The following OR52M1 variants were observed in gnomAD, a reference collection of about 807,000 sequenced individuals.
The protein encoded by OR52M1 is olfactory receptor family 52 subfamily M member 1.
A neutral mutation model predicts 1.3 loss-of-function variants in OR52M1; 2 were observed. The ratio of observed to expected loss-of-function variants is 1.59; its 90% CI spans 0.65 to 5.01. OR52M1 has a LOEUF of 5.01. OR52M1 is among the 30% of genes most tolerant of loss of function. The pLI is 0.06. For missense variants in OR52M1, 585 were observed against 403.7 expected (o/e 1.45, Z -3.85); for synonymous variants, 234 against 151.4 (o/e 1.55, Z -4.01).
rs1161229759 is a variant in OR52M1, at chr11:4,545,436, A to T, written c.246A>T (p.Lys82Asn). 1 of 1,614,106 alleles carries T rather than the reference A, an allele frequency of 6.2e-7. No homozygotes were observed. The highest frequency in any genetic ancestry group is 1.3e-5 in the African/African-American group (1 of 75,028). ...TTCTGTCTACTTCCACTATACCCAA[A>T]CTTCTGGGAATCTTCTGGTTCGGTG... ...DLVLSTSTIPKLLGIFWFGAC... is the reference protein window; with the variant it reads ...DLVLSTSTIPNLLGIFWFGAC... The change falls in exon 1 of 1, where the codon AAA becomes AAT. Residue 82 changes from lysine (K) to asparagine (N), a missense_variant. Lys to Asn is a moderately conservative substitution (Grantham distance 94). Coordinates refer to ENST00000360213, the MANE Select transcript of OR52M1 (RefSeq NM_001004137.1).
chr11:4,545,758 T>C lies in OR52M1; in HGVS notation c.568T>C (p.Leu190=). The stretch of plus-strand genomic sequence containing the variant: ...CTGTGAGCACATGGCTGTAGTTGCC[T>C]TGACATGTGGCGACAGCAGGGTCAA... ...SYCEHMAVVA[L]TCGDSRVNNV... is the part of the protein sequence containing the mutation. The change falls in exon 1 of 1, where the codon TTG becomes CTG. Residue 190 remains leucine (L), a synonymous_variant. Transcript: ENST00000360213. 1 of 1,614,134 alleles carries C rather than the reference T, an allele frequency of 6.2e-7. No homozygotes were observed. The highest frequency in any genetic ancestry group is 8.5e-7 in the Non-Finnish European group (1 of 1,179,992).
Position 4,546,018 on chromosome 11 carries a change from C to CA in OR52M1, c.829dup (p.Thr277AsnfsTer41), listed in dbSNP as rs1476048423. 6.2e-7 allele frequency: 1 copy of CA among 1,613,982 alleles called. No homozygotes were observed. The highest frequency in any genetic ancestry group is 8.5e-7 in the Non-Finnish European group (1 of 1,179,982). ...GTCAGTGTGTGCCTCCTCCAGTCCACACTCTGCTGGCCAACTTCTATCTCC... is the reference window on the plus strand; with the variant it reads ...GTCAGTGTGTGCCTCCTCCAGTCCACAACTCTGCTGGCCAACTTCTATCTCC... On this transcript the variant is annotated frameshift_variant, in exon 1 of 1. Transcript: ENST00000360213. LOFTEE classifies it high-confidence loss of function.
Position 4,546,032 on chromosome 11 carries a change from A to G in OR52M1, c.842A>G (p.Asn281Ser), listed in dbSNP as rs781275330. Reference protein sequence around the residue: ...VPPPVHTLLANFYLLIPPILN... With the variant: ...VPPPVHTLLASFYLLIPPILN... ...CCTCCAGTCCACACTCTGCTGGCCA[A>G]CTTCTATCTCCTCATTCCTCCAATC... The change falls in exon 1 of 1, where the codon AAC becomes AGC. Residue 281 changes from asparagine to serine, a missense_variant. Transcript: ENST00000360213. The G allele has an allele frequency of 1.1e-5, 18 of 1,613,794 alleles. No homozygotes were observed. Among genetic ancestry groups the G allele is most frequent in the East Asian group, 2.2e-5 (1 of 44,872 alleles).
Position 4,545,201 on chromosome 11 carries a change from T to C in OR52M1, c.11T>C (p.Phe4Ser). Residue 4 changes from phenylalanine to serine, a missense_variant, in exon 1 of 1, where the codon TTT (phenylalanine) becomes TCT (serine). Transcript: ENST00000360213. The stretch of plus-strand genomic sequence containing the variant: ...CACATATAAATAGCCATGCTCACTT[T>C]TCATAATGTCTGCTCAGTACCCAGC... MLT[F>S]HNVCSVPSSF... 2 of 1,580,780 alleles carry C rather than the reference T, an allele frequency of 1.3e-6. No homozygotes were observed. Among genetic ancestry groups the C allele is most frequent in the Non-Finnish European group, 1.7e-6 (2 of 1,164,754 alleles).
Position 4,545,594 on chromosome 11 carries a change from G to A in OR52M1, c.404G>A (p.Ser135Asn). The stretch of plus-strand genomic sequence containing the variant: ...GCCATCTGCAACCCACTACGTCATA[G>A]CATGGTGCTCACTTATACAGTGGTG... ...YVAICNPLRHSMVLTYTVVGR... is the reference protein window; with the variant it reads ...YVAICNPLRHNMVLTYTVVGR... The change falls in exon 1 of 1, where the codon AGC becomes AAC. Residue 135 changes from serine to asparagine, a missense_variant. Coordinates refer to ENST00000360213, the MANE Select transcript of OR52M1 (RefSeq NM_001004137.1). 1.9e-6 allele frequency: 3 copies of A among 1,612,984 alleles called. No individual in the cohort carries two copies. Among genetic ancestry groups the A allele is most frequent in the Admixed American group, 1.7e-5 (1 of 59,950 alleles).
rs1255376119 is a variant in OR52M1 at position 4,545,930 on chromosome 11, A to C, written c.740A>C (p.His247Pro). 1.2e-6 allele frequency: 2 copies of C among 1,613,460 alleles called. No individual in the cohort carries two copies. The highest frequency in any genetic ancestry group is 2.7e-5 in the African/African-American group (2 of 74,682). Residue 247 changes from histidine to proline, a missense_variant, in exon 1 of 1, where the codon CAC (histidine) becomes CCC (proline). Transcript: ENST00000360213. ...AAAACCCTGGGGACATGCGCTTCTCACCTCTGTGCCATCCTGATCTTTTAT... is the reference window on the plus strand; with the variant it reads ...AAAACCCTGGGGACATGCGCTTCTCCCCTCTGTGCCATCCTGATCTTTTAT... ...RLKTLGTCAS[H>P]LCAILIFYVP...
chr11:4,546,023 T>C lies in OR52M1; in HGVS notation c.833T>C (p.Leu278Pro), dbSNP rs778043020. 1.2e-6 allele frequency: 2 copies of C among 1,614,010 alleles called. No homozygotes were observed. Among genetic ancestry groups the C allele is most frequent in the African/African-American group, 2.7e-5 (2 of 74,928 alleles). ...TGTGTGCCTCCTCCAGTCCACACTC[T>C]GCTGGCCAACTTCTATCTCCTCATT... ...GQCVPPPVHT[L>P]LANFYLLIPP... Residue 278 changes from leucine (L) to proline (P), a missense_variant, in exon 1 of 1, where the codon CTG (leucine) becomes CCG (proline). Coordinates refer to ENST00000360213, the MANE Select transcript of OR52M1 (RefSeq NM_001004137.1).
chr11:4,545,987 G>T lies in OR52M1; in HGVS notation c.797G>T (p.Arg266Leu), dbSNP rs1442619258. 6.2e-7 allele frequency: 1 copy of T among 1,614,020 alleles called. No individual in the cohort carries two copies. Among genetic ancestry groups the T allele is most frequent in the East Asian group, 2.2e-5 (1 of 44,872 alleles). The change falls in exon 1 of 1, where the codon CGA becomes CTA. Residue 266 changes from arginine (R) to leucine (L), a missense_variant. Transcript: ENST00000360213. ...ATTGCTGTTTCTTCCCTGATTCACC[G>T]ATTTGGTCAGTGTGTGCCTCCTCCA... is the stretch of plus-strand genomic sequence containing the variant. The part of the protein sequence containing the change: ...VPIAVSSLIH[R>L]FGQCVPPPVH...
At position 4,545,211 on chromosome 11, in the gene OR52M1, C is replaced by A; in HGVS notation, c.21C>A (p.Val7=). ...TAGCCATGCTCACTTTTCATAATGTCTGCTCAGTACCCAGCTCCTTCTGGC... is the reference window on the plus strand; with the variant it reads ...TAGCCATGCTCACTTTTCATAATGTATGCTCAGTACCCAGCTCCTTCTGGC... The part of the protein sequence containing the change: MLTFHN[V]CSVPSSFWLT... The change falls in exon 1 of 1, where the codon GTC becomes GTA. Residue 7 remains valine, a synonymous_variant. Coordinates refer to ENST00000360213, the MANE Select transcript of OR52M1 (RefSeq NM_001004137.1). The A allele has an allele frequency of 6.3e-7, 1 of 1,598,994 alleles. No individual in the cohort carries two copies. The highest frequency in any genetic ancestry group is 1.1e-5 in the South Asian group (1 of 88,728).
At position 4,545,475 on chromosome 11, in the gene OR52M1, C is replaced by A; in HGVS notation, c.285C>A (p.Gly95=). The A allele has an allele frequency of 6.2e-7, 1 of 1,614,182 alleles. No individual in the cohort carries two copies. The change falls in exon 1 of 1, where the codon GGC becomes GGA. Residue 95 remains glycine (G), a synonymous_variant. Coordinates refer to ENST00000360213, the MANE Select transcript of OR52M1 (RefSeq NM_001004137.1). ...TCTGGTTCGGTGCTTGTGACATTGG[C>A]CTGGACGCCTGCTTGGGCCAAATGT... ...GIFWFGACDI[G]LDACLGQMFL... is the part of the protein sequence containing the mutation.
At position 4,545,253 on chromosome 11, in the gene OR52M1, G is replaced by T. The variant is rs1846935908; in HGVS notation, c.63G>T (p.Gly21=). 6.2e-7 allele frequency: 1 copy of T among 1,613,434 alleles called. No individual in the cohort carries two copies. Among genetic ancestry groups the T allele is most frequent in the African/African-American group, 1.3e-5 (1 of 74,798 alleles). Residue 21 remains glycine (G), a synonymous_variant, in exon 1 of 1, where the codon GGG becomes GGT. Coordinates refer to ENST00000360213, the MANE Select transcript of OR52M1 (RefSeq NM_001004137.1). ...CCTTCTGGCTCACTGGCATCCCAGG[G>T]CTGGAGTCCCTACACGTCTGGCTCT... ...PSSFWLTGIP[G]LESLHVWLSI...
chr11:4,545,855 T>C lies in OR52M1; in HGVS notation c.665T>C (p.Val222Ala). The C allele has an allele frequency of 1.2e-6, 2 of 1,614,198 alleles. No individual in the cohort carries two copies. The highest frequency in any genetic ancestry group is 1.7e-6 in the Non-Finnish European group (2 of 1,180,032). Reference protein sequence around the residue: ...LDSVAIAASYVMIFRAVMGLA... With the variant: ...LDSVAIAASYAMIFRAVMGLA... ...TCAGTGGCTATTGCTGCATCCTATG[T>C]GATGATTTTCAGGGCCGTGATGGGG... is the stretch of plus-strand genomic sequence containing the variant. Residue 222 changes from valine (V) to alanine (A), a missense_variant, in exon 1 of 1, where the codon GTG becomes GCG. By Grantham distance (64) the Val-to-Ala change is moderately conservative. Coordinates refer to ENST00000360213, the MANE Select transcript of OR52M1 (RefSeq NM_001004137.1).
chr11:4,545,297 T>G lies in OR52M1; in HGVS notation c.107T>G (p.Met36Arg), dbSNP rs772261540. ...HVWLSIPFGS[M>R]YLVAVVGNVT... ...TGGCTCTCCATCCCCTTTGGCTCCA[T>G]GTACCTGGTGGCTGTGGTGGGGAAT... Residue 36 changes from methionine to arginine, a missense_variant, in exon 1 of 1, where the codon ATG becomes AGG. Coordinates refer to ENST00000360213, the MANE Select transcript of OR52M1 (RefSeq NM_001004137.1). The G allele has an allele frequency of 6.2e-6, 10 of 1,613,998 alleles. No homozygotes were observed. In the East Asian group the frequency reaches 2.0e-4, roughly 32 times the overall value.
rs1467156606 is a variant in OR52M1 at position 4,545,983 on chromosome 11, C to T, written c.793C>T (p.His265Tyr). 2.5e-6 allele frequency: 4 copies of T among 1,614,006 alleles called. No homozygotes were observed. Among genetic ancestry groups the T allele is most frequent in the Non-Finnish European group, 3.4e-6 (4 of 1,180,028 alleles). ...TCCCATTGCTGTTTCTTCCCTGATT[C>T]ACCGATTTGGTCAGTGTGTGCCTCC... Reference protein sequence around the residue: ...YVPIAVSSLIHRFGQCVPPPV... With the variant: ...YVPIAVSSLIYRFGQCVPPPV... Residue 265 changes from histidine (H) to tyrosine (Y), a missense_variant, in exon 1 of 1, where the codon CAC becomes TAC. His to Tyr is a moderately conservative substitution (Grantham distance 83). Transcript: ENST00000360213.
In OR52M1 at chr11:4,545,631, G is replaced by C. The variant is rs1035429269; in HGVS notation, c.441G>C (p.Gly147=). 2 of 1,613,516 alleles carry C rather than the reference G, an allele frequency of 1.2e-6. No individual in the cohort carries two copies. Among genetic ancestry groups the C allele is most frequent in the African/African-American group, 2.7e-5 (2 of 74,908 alleles). ...CTTATACAGTGGTGGGTCGTTTGGGGCTTGTTTCTCTCCTCCGGGGTGTTC... is the reference window on the plus strand; with the variant it reads ...CTTATACAGTGGTGGGTCGTTTGGGCCTTGTTTCTCTCCTCCGGGGTGTTC... The part of the protein sequence containing the change: ...VLTYTVVGRL[G]LVSLLRGVLY... Residue 147 remains glycine (G), a synonymous_variant, in exon 1 of 1, where the codon GGG becomes GGC. Coordinates refer to ENST00000360213, the MANE Select transcript of OR52M1 (RefSeq NM_001004137.1).
rs1391892608 is a variant in OR52M1, at chr11:4,545,198, C to T, written c.8C>T (p.Thr3Ile). ...GTTCACATATAAATAGCCATGCTCA[C>T]TTTTCATAATGTCTGCTCAGTACCC... The part of the protein sequence containing the change: ML[T>I]FHNVCSVPSS... The change falls in exon 1 of 1, where the codon ACT becomes ATT. Residue 3 changes from threonine (T) to isoleucine (I), a missense_variant. Physicochemically the swap from Thr to Ile is moderately conservative, Grantham distance 89 (BLOSUM62 -1). Transcript: ENST00000360213. 2 of 1,577,294 alleles carry T rather than the reference C, an allele frequency of 1.3e-6. No homozygotes were observed. The highest frequency in any genetic ancestry group is 1.7e-6 in the Non-Finnish European group (2 of 1,162,940).
In OR52M1 at chr11:4,545,770, G is replaced by C; in HGVS notation, c.580G>C (p.Asp194His). The part of the protein sequence containing the change: ...HMAVVALTCG[D>H]SRVNNVYGLS... ...GGCTGTAGTTGCCTTGACATGTGGC[G>C]ACAGCAGGGTCAATAATGTCTATGG... Residue 194 changes from aspartate to histidine, a missense_variant, in exon 1 of 1, where the codon GAC becomes CAC. Physicochemically the swap from Asp to His is moderately conservative, Grantham distance 81. Coordinates refer to ENST00000360213, the MANE Select transcript of OR52M1 (RefSeq NM_001004137.1). 1.2e-6 allele frequency: 2 copies of C among 1,614,074 alleles called. No homozygotes were observed. Among genetic ancestry groups the C allele is most frequent in the South Asian group, 1.1e-5 (1 of 91,068 alleles).
rs61734243 is a variant in OR52M1 at position 4,545,910 on chromosome 11, C to A, written c.720C>A (p.Thr240=). The change falls in exon 1 of 1, where the codon ACC becomes ACA. Residue 240 remains threonine, a synonymous_variant. Coordinates refer to ENST00000360213, the MANE Select transcript of OR52M1 (RefSeq NM_001004137.1). ...CCACTCCTGAGGCTAGGCTTAAAAC[C>A]CTGGGGACATGCGCTTCTCACCTCT... ...GLATPEARLK[T]LGTCASHLCA... 0.012 allele frequency: 19,142 copies of A among 1,614,002 alleles called. 136 individuals carry two copies. The highest frequency in any genetic ancestry group is 0.014 in the Non-Finnish European group (16,466 of 1,179,988).
Position 4,545,931 on chromosome 11 carries a change from C to T in OR52M1, c.741C>T (p.His247=). The stretch of plus-strand genomic sequence containing the variant: ...AAACCCTGGGGACATGCGCTTCTCA[C>T]CTCTGTGCCATCCTGATCTTTTATG... ...RLKTLGTCAS[H]LCAILIFYVP... is the part of the protein sequence containing the mutation. Residue 247 remains histidine (H), a synonymous_variant, in exon 1 of 1, where the codon CAC becomes CAT. Transcript: ENST00000360213. 2 of 1,614,048 alleles carry T rather than the reference C, an allele frequency of 1.2e-6. No homozygotes were observed. Among genetic ancestry groups the T allele is most frequent in the South Asian group, 1.1e-5 (1 of 91,070 alleles).
Sources: allele counts gnomAD v4.1 joint callset, GRCh38; gene constraint gnomAD v4.1.1; transcripts MANE v1.5; gene names NCBI Gene and HGNC (gene_info 2026-07-23, HGNC 2026-07-21).